Variants in SPTLC2 observed in about 807,000 individuals in gnomAD.
The protein encoded by SPTLC2 is serine palmitoyltransferase long chain base subunit 2, also known as serine palmitoyltransferase 2.
A neutral mutation model predicts 62.0 loss-of-function variants in SPTLC2; 21 were observed. The ratio of observed to expected loss-of-function variants is 0.34; its 90% confidence interval spans 0.24 to 0.49. The LOEUF (loss-of-function observed/expected upper bound fraction) is 0.49, where lower values mean the gene tolerates loss of function less well. Ranked by LOEUF, SPTLC2 falls within the 20% of genes least tolerant of loss-of-function variation. SPTLC2 has a pLI of 0.99. For missense variants in SPTLC2, 511 were observed against 713.0 expected, an observed-to-expected ratio of 0.72 and a Z score of 3.23; for synonymous variants, 261 against 261.8, an observed-to-expected ratio of 1.00 and a Z score of 0.03.
chr14:77,582,091 C>T (rs1030526152), intron 2 of SPTLC2, among the ~76,000 whole-genome samples: 1 of 151,242 alleles, frequency 6.6e-6, no homozygotes, highest in East Asian at 2.0e-4. Context: ...CTCACTCTGT[C>T]ACCCAGGCTG....
intron 5 of SPTLC2, among the ~76,000 whole-genome samples, chr14:77,566,060 C>T (rs766263904): frequency 6.6e-6 from 1 of 152,060 alleles, no homozygotes; most frequent in African/African-American, 2.4e-5. Context: ...AAAAAGAACC[C>T]TCCCTTCCCT....
At chr14:77,559,693 C>A (rs907508133) in intron 6 of SPTLC2, among the ~76,000 whole-genome samples, 1 of 152,068 alleles carries the variant, frequency 6.6e-6, no homozygotes, top group Non-Finnish European at 1.5e-5. Context: ...AGTTCAAGAC[C>A]AACCTGGGCA....
intron 2 of SPTLC2, among the ~76,000 whole-genome samples, chr14:77,581,585 T>G (rs7492541): frequency 6.6e-6 from 1 of 151,942 alleles, no homozygotes; most frequent in Non-Finnish European, 1.5e-5. Context: ...TAATTTTTTG[T>G]ATTTTTATTA....
chr14:77,562,451 T>G lies in SPTLC2; in HGVS notation c.795A>C (p.Ser265=). 1 of 1,614,132 alleles carries G rather than the reference T, an allele frequency of 6.2e-7. No individual in the cohort carries two copies. The stretch of plus-strand genomic sequence containing the variant: ...CTGACAGTCTGGCTCCCAGAACCAG[T>G]GATGCATGATTCAGTTCATCACTCA... ...LILSDELNHA[S]LVLGARLSGA... The change falls in exon 6 of 12, where the codon TCA becomes TCC. Residue 265 remains serine, a synonymous_variant. Transcript: ENST00000216484.
At chr14:77,613,166 G>A (rs1172524882) in intron 1 of SPTLC2, among the ~76,000 whole-genome samples, 2 of 152,126 alleles carry the variant, frequency 1.3e-5, no homozygotes, top group South Asian at 2.1e-4. Context: ...TTAAGATCAT[G>A]GAATAATAAT....
intron 9 of SPTLC2, among the ~76,000 whole-genome samples, chr14:77,531,447 C>T (rs1329802915): frequency 1.3e-4 from 18 of 135,658 alleles, no homozygotes; most frequent in Middle Eastern, 3.9e-3. Flanking sequence ...TCTTCTTCTC[C>T]TCCTTCTCCT....
intron 7 of SPTLC2, among the ~76,000 whole-genome samples, chr14:77,555,916 G>A (rs2140021022): frequency 6.6e-6 from 1 of 152,238 alleles, no homozygotes; most frequent in South Asian, 2.1e-4. Flanking sequence ...ACCCTGCCCG[G>A]CTGAGTTTAT....
chr14:77,531,540 T>A (rs1250442206), intron 9 of SPTLC2, among the ~76,000 whole-genome samples: 3 of 143,296 alleles, frequency 2.1e-5, no homozygotes, highest in African/African-American at 5.2e-5. Context: ...TGTGATGGAG[T>A]TTTGCTTTTG....
intron 2 of SPTLC2, among the ~76,000 whole-genome samples, chr14:77,589,789 CCA>C (rs10627978): frequency 4.1e-4 from 60 of 146,140 alleles, no homozygotes; most frequent in Admixed American, 4.8e-4. Context: ...GAGTCCGTCT[CCA>C]CACACACACA....
intron 1 of SPTLC2, among the ~76,000 whole-genome samples, chr14:77,598,994 AT>A (rs2079863350): frequency 6.6e-6 from 1 of 152,110 alleles, no homozygotes; most frequent in African/African-American, 2.4e-5. Flanking sequence ...AAGGGGAAAA[AT>A]TGTTAGTAAC....
At chr14:77,596,494 ACT>A (rs1328033452) in intron 2 of SPTLC2, among the ~76,000 whole-genome samples, 1 of 146,974 alleles carries the variant, frequency 6.8e-6, no homozygotes, top group African/African-American at 2.5e-5. Flanking sequence ...ACAAAGCGAG[ACT>A]CTGTCTCAAA....
At chr14:77,551,485 C>T (rs2079555563) in intron 9 of SPTLC2, among the ~76,000 whole-genome samples, 1 of 151,662 alleles carries the variant, frequency 6.6e-6, no homozygotes, top group East Asian at 1.9e-4. Flanking sequence ...CACCCAGTTG[C>T]TCCCCTTTTA....
At chr14:77,600,877 T>C (rs2079873510) in intron 1 of SPTLC2, among the ~76,000 whole-genome samples, 1 of 152,220 alleles carries the variant, frequency 6.6e-6, no homozygotes, top group Non-Finnish European at 1.5e-5. Flanking sequence ...ATCAATCTAA[T>C]GGGCCATTTT....
chr14:77,593,074 G>C (rs931931599), intron 2 of SPTLC2, among the ~76,000 whole-genome samples: 13 of 151,258 alleles, frequency 8.6e-5, no homozygotes, highest in African/African-American at 3.2e-4. Context: ...CTGTACTCCA[G>C]CCTGGGCGAC....
chr14:77,572,528 A>G (rs2079689587), intron 4 of SPTLC2, among the ~76,000 whole-genome samples: 1 of 152,210 alleles, frequency 6.6e-6, no homozygotes, highest in Non-Finnish European at 1.5e-5. Flanking sequence ...ATTGGTTTCA[A>G]CTTAAAATTA....
chr14:77,539,965 G>A (rs2140007987), intron 9 of SPTLC2, among the ~76,000 whole-genome samples: 1 of 152,196 alleles, frequency 6.6e-6, no homozygotes. Context: ...GGGAGGCCGA[G>A]GCAGGCAGAT....
intron 9 of SPTLC2, among the ~76,000 whole-genome samples, chr14:77,526,881 G>A (rs543081022): frequency 6.7e-6 from 1 of 150,076 alleles, no homozygotes; most frequent in African/African-American, 2.5e-5. Context: ...TGCAAGCTCC[G>A]CCTCCTGGGT....
chr14:77,547,472 T>C (rs926865874), intron 9 of SPTLC2: 1 of 152,188 alleles, frequency 6.6e-6, no homozygotes, highest in Non-Finnish European at 1.5e-5. Context: ...AGTCTCTCTT[T>C]ATGACCCCCT....
intron 5 of SPTLC2, among the ~76,000 whole-genome samples, chr14:77,565,803 G>C (rs1020713685): frequency 4.6e-5 from 7 of 152,212 alleles, no homozygotes; most frequent in African/African-American, 1.4e-4. Flanking sequence ...TTGTGTCACA[G>C]TTAATTTCTT....
Sources: gnomAD v4.1 joint callset for allele counts (sites outside exome capture counted in the v4.1 genomes callset) on GRCh38, gnomAD v4.1.1 for gene constraint, MANE v1.5 for transcripts, NCBI Gene and HGNC (gene_info 2026-07-23, HGNC 2026-07-21) for gene names.